The following LIPJ variants were observed in gnomAD, a reference collection of about 807,000 sequenced individuals.
LIPJ encodes lipase family member J.
Under a neutral mutation model 39.8 loss-of-function variants are expected in LIPJ, and 33 were observed. The observed-to-expected ratio is 0.83, with a 90% CI of 0.63 to 1.11. The LOEUF is 1.11. Among genes scored for constraint, LIPJ ranks in the 50% least tolerant of loss-of-function variants. The pLI is 0.00. For missense variants in LIPJ, 422 were observed against 427.9 expected (o/e 0.99, Z 0.12); for synonymous variants, 128 against 139.2 (o/e 0.92, Z 0.57).
chr10:88,583,055 G>C (rs1267557886), upstream of LIPJ: 2 of 1,606,340 alleles, frequency 1.2e-6, no homozygotes, highest in South Asian at 2.2e-5. Flanking sequence ...CCCAGGTTTT[G>C]GCGTTTAGAC....
At chr10:88,601,850 A>AT (rs1462641829) in intron 8 of LIPJ, among the ~76,000 whole-genome samples, 1 of 152,158 alleles carries the variant, frequency 6.6e-6, no homozygotes, top group African/African-American at 2.4e-5. Flanking sequence ...TTTACTAAGA[A>AT]TTGGAATAGT....
chr10:88,613,796 ATATATG>A, the LIPJ span, among the ~76,000 whole-genome samples: 419 of 51,532 alleles, frequency 8.1e-3, 7 homozygotes, highest in East Asian at 0.048. Flanking sequence ...ATATATATAT[ATATATG>A]TGTGTGTGTG....
At chr10:88,622,186 T>C in the LIPJ span, among the ~76,000 whole-genome samples, 2 of 152,230 alleles carry the variant, frequency 1.3e-5, no homozygotes, top group Non-Finnish European at 2.9e-5. Context: ...CTGACTGATT[T>C]TGGACTACAA....
chr10:88,623,120 A>G, the LIPJ span, among the ~76,000 whole-genome samples: 1 of 152,164 alleles, frequency 6.6e-6, no homozygotes, highest in Non-Finnish European at 1.5e-5. Context: ...AGCAATCTGT[A>G]TGTTTTCTGA....
chr10:88,596,450 C>A, intron 7 of LIPJ, 34 bp downstream of exon 7: 5 of 1,441,932 alleles, frequency 3.5e-6, no homozygotes, highest in Non-Finnish European at 4.6e-6. Flanking sequence ...TCATTGATAA[C>A]CCAAAGTGAT....
chr10:88,619,214 A>G, the LIPJ span, among the ~76,000 whole-genome samples: 3 of 150,146 alleles, frequency 2.0e-5, no homozygotes, highest in Non-Finnish European at 4.4e-5. Flanking sequence ...ACTGCTAAAA[A>G]AAAAAAAAAA....
Position 88,586,843 on chromosome 10 carries a change from A to T in LIPJ, c.-233A>T, listed in dbSNP as rs981340395. The T allele has an allele frequency of 1.3e-5, 2 of 152,256 alleles. No homozygotes were observed. The highest frequency in any genetic ancestry group is 4.1e-4 in the South Asian group (2 of 4,828). 9.4% of individuals were successfully genotyped at this position (152,256 alleles called of 1,614,324 possible). A position where few individuals can be genotyped will look rare whatever the true frequency, so the allele number is the denominator to read the frequency against. The stretch of plus-strand genomic sequence containing the variant: ...TAATACTTAAATGAAGATAGACCGG[A>T]TGGTAATTCAGTTGGATAATGATCA... On this transcript the variant is annotated splice_region_variant and 5_prime_UTR_variant, in exon 1 of 11. An upstream start codon of the reference 5' UTR is lost. Transcript: ENST00000371939.
At chr10:88,612,403 GGCC>G in the LIPJ span, among the ~76,000 whole-genome samples, 1 of 152,008 alleles carries the variant, frequency 6.6e-6, no homozygotes, top group African/African-American at 2.4e-5. Context: ...GAATGTAAAT[GGCC>G]TGAATGCTCC....
chr10:88,595,633 G>A (rs535349920), intron 6 of LIPJ, among the ~76,000 whole-genome samples: 1 of 151,730 alleles, frequency 6.6e-6, no homozygotes, highest in East Asian at 1.9e-4. Flanking sequence ...AGTAATGAGT[G>A]TCAGAGCTTG....
rs1851046447 is a variant in LIPJ at position 88,590,614 on chromosome 10, T to G, written c.-74T>G. ...CAAACGTGGTATCTTTTCACAATGA[T>G]GTATTTTATCCGAATTCTTGGAATT... On this transcript the variant is annotated 5_prime_UTR_variant, in exon 3 of 11. An upstream start codon of the reference 5' UTR is lost. Transcript: ENST00000371939. The G allele has an allele frequency of 1.7e-6, 2 of 1,174,942 alleles. No individual in the cohort carries two copies. Among genetic ancestry groups the G allele is most frequent in the Non-Finnish European group, 2.5e-6 (2 of 784,614 alleles). 72.8% of individuals were successfully genotyped at this position (1,174,942 alleles called of 1,614,324 possible). A position where few individuals can be genotyped will look rare whatever the true frequency, so the allele number is the denominator to read the frequency against.
rs748470738 is a variant in LIPJ, at chr10:88,596,263, A to G, written c.440-17A>G. On this transcript the variant is annotated splice_polypyrimidine_tract_variant and intron_variant, in intron 6 of 10. Coordinates refer to ENST00000371939, the Ensembl canonical transcript of LIPJ. The stretch of plus-strand genomic sequence containing the variant: ...GCTTAAGAATAGCTTACTAATTTAT[A>G]TCTTATTTTATTTTAGGTTTCATAA... 4 of 1,292,334 alleles carry G rather than the reference A, an allele frequency of 3.1e-6. No homozygotes were observed. The highest frequency in any genetic ancestry group is 1.9e-5 in the South Asian group (1 of 53,106). The allele number at this position is 1,292,334 out of a possible 1,614,324, so 80.1% of individuals were successfully genotyped here.
upstream of LIPJ, chr10:88,586,711 G>A (rs973886003): frequency 6.6e-6 from 1 of 152,056 alleles, no homozygotes; most frequent in African/African-American, 2.4e-5. Flanking sequence ...TAGAAATTTT[G>A]TCATGTTCAA....
the LIPJ span, among the ~76,000 whole-genome samples, chr10:88,613,770 G>GTGTATATATA: frequency 1.1e-4 from 8 of 75,510 alleles, no homozygotes; most frequent in Non-Finnish European, 2.3e-4. Context: ...ATGTGTGTGT[G>GTGTATATATA]TATATATATA....
the LIPJ span, among the ~76,000 whole-genome samples, chr10:88,619,955 T>TA: frequency 1.3e-5 from 2 of 151,650 alleles, no homozygotes; most frequent in South Asian, 2.1e-4. Flanking sequence ...ACTAAAAAAA[T>TA]AAAAAAACAA....
upstream of LIPJ, chr10:88,583,259 G>A (rs917853723): frequency 7.5e-5 from 120 of 1,590,700 alleles, no homozygotes; most frequent in Non-Finnish European, 9.9e-5. Flanking sequence ...TTTCTGGAAA[G>A]GCGGCCGAAC....
intron 6 of LIPJ, among the ~76,000 whole-genome samples, chr10:88,595,465 G>A (rs978652668): frequency 1.3e-5 from 2 of 151,516 alleles, no homozygotes; most frequent in Non-Finnish European, 3.0e-5. Flanking sequence ...CTTCCTATTA[G>A]AAAAAGCATG....
chr10:88,619,347 T>C, the LIPJ span, among the ~76,000 whole-genome samples: 4 of 152,124 alleles, frequency 2.6e-5, no homozygotes, highest in East Asian at 7.7e-4. Flanking sequence ...AAAGTTTTTT[T>C]TCTTCTAATT....
chr10:88,607,478 T>G (rs576471839), downstream of LIPJ, among the ~76,000 whole-genome samples: 34 of 152,222 alleles, frequency 2.2e-4, no homozygotes, highest in African/African-American at 7.7e-4. Context: ...GTGTATAGCT[T>G]GAGAAGAGGG....
In LIPJ at chr10:88,596,831, TA is replaced by T; in HGVS notation, c.624del (p.Lys208AsnfsTer23). 6.2e-7 allele frequency: 1 copy of T among 1,603,220 alleles called. No individual in the cohort carries two copies. The highest frequency in any genetic ancestry group is 1.7e-5 in the Admixed American group (1 of 58,338). On this transcript the variant is annotated frameshift_variant, in exon 8 of 11. Transcript: ENST00000371939. LOFTEE classifies it high-confidence loss of function. ...AAGACTTCTTGCCTAAAACCTCATT[TA>T]AAAAATTCATTGGTTCAAAGCTGTG...
Sources: gnomAD v4.1 joint callset for allele counts (sites outside exome capture counted in the v4.1 genomes callset) on GRCh38, gnomAD v4.1.1 for gene constraint, MANE v1.5 for transcripts, NCBI Gene and HGNC (gene_info 2026-07-23, HGNC 2026-07-21) for gene names.